The following PARD3B variants were observed in gnomAD, a reference collection of about 807,000 sequenced individuals.
PARD3B encodes partitioning defective 3 homolog B.
PARD3B carries 103 observed loss-of-function variants against 130.2 expected under a neutral mutation model. The observed-to-expected ratio is 0.79, with a 90% confidence interval of 0.67 to 0.93. The LOEUF (loss-of-function observed/expected upper bound fraction) is 0.93. Among genes scored for constraint, PARD3B ranks in the 40% least tolerant of loss-of-function variants. The probability of loss-of-function intolerance (pLI) is 0.00; values close to 1 mark genes in which losing one functional copy is unlikely to be tolerated. For missense variants in PARD3B, 1,609 were observed against 1,499.2 expected (o/e 1.07, Z -1.21); for synonymous variants, 583 against 553.2 (o/e 1.05, Z -0.76).
Position 205,341,759 on chromosome 2 carries a change from T to A in PARD3B, c.2630+40058T>A, listed in dbSNP as rs1371076956. Among the ~76,000 whole-genome samples, 3 of 152,126 alleles carry A rather than the reference T, an allele frequency of 2.0e-5. No homozygotes were observed. Among genetic ancestry groups the A allele is most frequent in the Non-Finnish European group, 4.4e-5 (3 of 67,982 alleles). On this transcript the variant is annotated intron_variant, in intron 18 of 22. Coordinates refer to ENST00000406610, the MANE Select transcript of PARD3B (RefSeq NM_001302769.2). The surrounding 1 kb of genome is among the most constrained non-coding windows in gnomAD (Gnocchi z 4.3). ...CCCAACACGAAGAAATGATGCATGT[T>A]TGAAATGATGGATATGCTAATTACC...
chr2:205,324,227 ATTC>A (rs1387001605), intron 18 of PARD3B, among the ~76,000 whole-genome samples: 2 of 152,198 alleles, frequency 1.3e-5, no homozygotes, highest in African/African-American at 2.4e-5. Context: ...TGTAAAATAA[ATTC>A]TTCTATTACT....
rs766537864 is a variant in PARD3B at position 205,473,044 on chromosome 2, G to T, written c.3045-26852G>T. ...AAATAGAAGTTGAAGTGGTCCATTT[G>T]AGCTAGAAGCTTGGCAATTTTACAA... On this transcript the variant is annotated intron_variant, in intron 20 of 22. Coordinates refer to ENST00000406610, the MANE Select transcript of PARD3B (RefSeq NM_001302769.2). This position sits in a 1 kb window ranked among gnomAD's most constrained non-coding sequence, Gnocchi z 4.9. Among the ~76,000 whole-genome samples, 17 of 152,250 alleles carry T rather than the reference G, an allele frequency of 1.1e-4. No homozygotes were observed. Among genetic ancestry groups the T allele is most frequent in the Non-Finnish European group, 1.9e-4 (13 of 67,974 alleles).
intron 2 of PARD3B, among the ~76,000 whole-genome samples, chr2:204,761,844 A>T: frequency 6.6e-6 from 1 of 152,028 alleles, no homozygotes; most frequent in Admixed American, 6.6e-5. Flanking sequence ...TTTTAATTTT[A>T]TATTTTAAAA....
At chr2:205,465,518 T>A (rs1054182212) in intron 20 of PARD3B, among the ~76,000 whole-genome samples, 2 of 152,226 alleles carry the variant, frequency 1.3e-5, no homozygotes, top group African/African-American at 4.8e-5. Flanking sequence ...CCCCTATGTG[T>A]GTAAAGTCCA....
chr2:205,428,043 C>A (rs1043818388), intron 19 of PARD3B, among the ~76,000 whole-genome samples: 2 of 152,046 alleles, frequency 1.3e-5, no homozygotes, highest in East Asian at 1.9e-4. Context: ...GGAGGTGGGG[C>A]CTTTGAGAAG....
At chr2:205,320,064 G>A (rs2042696175) in intron 18 of PARD3B, among the ~76,000 whole-genome samples, 2 of 151,964 alleles carry the variant, frequency 1.3e-5, no homozygotes, top group African/African-American at 4.8e-5. Context: ...TACTTGGGAG[G>A]CTGAGGCAGG....
chr2:205,543,788 G>A (rs931342356), intron 21 of PARD3B, among the ~76,000 whole-genome samples: 1 of 152,198 alleles, frequency 6.6e-6, no homozygotes, highest in South Asian at 2.1e-4. Context: ...AATTGTAAAT[G>A]GAAGTGACCA....
intron 1 of PARD3B, among the ~76,000 whole-genome samples, chr2:204,600,002 T>C (rs953949436): frequency 1.3e-5 from 2 of 151,956 alleles, no homozygotes; most frequent in African/African-American, 4.8e-5. Flanking sequence ...GAAAAATACC[T>C]GTTCAGAGCA....
intron 4 of PARD3B, among the ~76,000 whole-genome samples, chr2:205,103,359 T>TTTTTATTTATGTAAAATAAATGTA (rs71032441): frequency 1.5e-5 from 1 of 68,122 alleles, no homozygotes; most frequent in Non-Finnish European, 2.9e-5. Flanking sequence ...AATAAATATA[T>TTTTTATTTATGTAAAATAAATGTA]TTTTTATTTA....
chr2:204,863,028 C>T (rs931317349), intron 2 of PARD3B, among the ~76,000 whole-genome samples: 1 of 152,118 alleles, frequency 6.6e-6, no homozygotes, highest in Non-Finnish European at 1.5e-5. Flanking sequence ...GGGCATTGTT[C>T]AGAGAACCAG....
At chr2:205,163,969 A>G (rs1387929987) in intron 11 of PARD3B, among the ~76,000 whole-genome samples, 2 of 152,232 alleles carry the variant, frequency 1.3e-5, no homozygotes, top group African/African-American at 4.8e-5. Flanking sequence ...CAAAAGGACC[A>G]GATAATGTGA....
intron 1 of PARD3B, among the ~76,000 whole-genome samples, chr2:204,620,925 C>G (rs1232199892): frequency 1.3e-5 from 2 of 152,162 alleles, no homozygotes; most frequent in Non-Finnish European, 2.9e-5. Context: ...TTGATCTACA[C>G]TTATAGCAAG....
intron 2 of PARD3B, among the ~76,000 whole-genome samples, chr2:204,923,925 A>G (rs2047780302): frequency 6.6e-6 from 1 of 152,096 alleles, no homozygotes; most frequent in Admixed American, 6.6e-5. Context: ...GAATTTCAAC[A>G]TAATCTAGAA....
At chr2:205,411,776 C>T (rs548292248) in intron 19 of PARD3B, among the ~76,000 whole-genome samples, 1 of 151,968 alleles carries the variant, frequency 6.6e-6, no homozygotes, top group Admixed American at 6.6e-5. Flanking sequence ...TTTTATTGAT[C>T]GCCGGTTGGA....
At chr2:205,245,167 C>T (rs1409782495) in intron 15 of PARD3B, among the ~76,000 whole-genome samples, 1 of 152,278 alleles carries the variant, frequency 6.6e-6, no homozygotes, top group Non-Finnish European at 1.5e-5. Context: ...CGCACGGCTG[C>T]CTGGAGGCTT....
chr2:204,594,554 G>A (rs2033207081), intron 1 of PARD3B, among the ~76,000 whole-genome samples: 1 of 152,172 alleles, frequency 6.6e-6, no homozygotes, highest in African/African-American at 2.4e-5. Context: ...GAGCCAGACT[G>A]TATCCATGCC....
intron 3 of PARD3B, among the ~76,000 whole-genome samples, chr2:204,995,034 A>G (rs954177473): frequency 2.0e-5 from 3 of 151,200 alleles, no homozygotes; most frequent in Non-Finnish European, 4.4e-5. Context: ...CTCTTTATCC[A>G]ACTTGCCAGT....
At chr2:204,956,635 G>A (rs1402786512) in intron 2 of PARD3B, among the ~76,000 whole-genome samples, 1 of 151,998 alleles carries the variant, frequency 6.6e-6, no homozygotes, top group Admixed American at 6.6e-5. Flanking sequence ...GAAAAAATTA[G>A]TCTATGTAGC....
intron 2 of PARD3B, among the ~76,000 whole-genome samples, chr2:204,792,185 A>G (rs1167714480): frequency 6.6e-6 from 1 of 152,222 alleles, no homozygotes; most frequent in Non-Finnish European, 1.5e-5. Flanking sequence ...AATTCTGAAT[A>G]GTGAATCTGG....
Sources: allele counts gnomAD v4.1 joint callset (sites outside exome capture counted in the v4.1 genomes callset), GRCh38; gene constraint gnomAD v4.1.1; non-coding constraint Gnocchi (gnomAD v3.1); transcripts MANE v1.5; gene names NCBI Gene and HGNC (gene_info 2026-07-23, HGNC 2026-07-21).